Variants in HDAC9 observed in about 807,000 individuals in gnomAD.
HDAC9 encodes the protein histone deacetylase 9.
HDAC9 carries 41 observed loss-of-function variants against 139.4 expected under a neutral mutation model. The ratio of observed to expected loss-of-function variants is 0.29; its 90% CI spans 0.23 to 0.38. The LOEUF (loss-of-function observed/expected upper bound fraction) is 0.38, where lower values mean the gene tolerates loss of function less well. Ranked by LOEUF, HDAC9 falls within the 10% of genes least tolerant of loss-of-function variation. HDAC9 has a pLI of 1.00. For missense variants in HDAC9, 1,147 were observed against 1,297.0 expected (o/e 0.88, Z 1.78); for synonymous variants, 517 against 476.2 (o/e 1.09, Z -1.12).
intron 22 of HDAC9, among the ~76,000 whole-genome samples, chr7:18,881,551 A>G (rs989737201): frequency 1.3e-5 from 2 of 151,984 alleles, no homozygotes; most frequent in Non-Finnish European, 2.9e-5. Context: ...TTTACTAATG[A>G]CTTTTTACTA....
intron 13 of HDAC9, among the ~76,000 whole-genome samples, chr7:18,745,891 T>A (rs1316180424): frequency 4.2e-5 from 6 of 142,186 alleles, no homozygotes; most frequent in Non-Finnish European, 9.1e-5. Context: ...TTCTTTTTTT[T>A]TTTTTTTTTT....
intron 15 of HDAC9, among the ~76,000 whole-genome samples, chr7:18,762,570 TTG>T (rs1789484424): frequency 6.6e-6 from 1 of 152,228 alleles, no homozygotes; most frequent in South Asian, 2.1e-4. Context: ...GCTGAATTTA[TTG>T]TGTTTTCAAA....
intron 1 of HDAC9, among the ~76,000 whole-genome samples, chr7:18,373,754 T>G (rs1263373728): frequency 6.6e-6 from 1 of 152,118 alleles, no homozygotes. Flanking sequence ...TCATTGACAT[T>G]TTTTAGGTTG....
intron 16 of HDAC9, among the ~76,000 whole-genome samples, chr7:18,770,232 G>T (rs1030186923): frequency 6.6e-6 from 1 of 152,082 alleles, no homozygotes; most frequent in African/African-American, 2.4e-5. Context: ...GAATTCCTTT[G>T]TGTTTGCTTT....
intron 12 of HDAC9, chr7:18,668,286 T>G (rs1484237327): frequency 9.7e-5 from 93 of 959,766 alleles, no homozygotes; most frequent in Non-Finnish European, 1.1e-4. Flanking sequence ...CACCAACATA[T>G]TTTGGTTAGT....
At chr7:18,813,285 A>T (rs1042514784) in intron 17 of HDAC9, among the ~76,000 whole-genome samples, 1 of 152,120 alleles carries the variant, frequency 6.6e-6, no homozygotes, top group African/African-American at 2.4e-5. Context: ...ATTCTTTTAA[A>T]AGTTTCTTTG....
chr7:18,092,737 G>C (rs1346940413), intron 1 of HDAC9, among the ~76,000 whole-genome samples: 1 of 152,164 alleles, frequency 6.6e-6, no homozygotes, highest in Non-Finnish European at 1.5e-5. Flanking sequence ...GATTGAATTG[G>C]AAAGTGACTG....
intron 1 of HDAC9, among the ~76,000 whole-genome samples, chr7:18,159,129 G>A (rs1787437686): frequency 6.6e-6 from 1 of 152,128 alleles, no homozygotes; most frequent in South Asian, 2.1e-4. Context: ...CCTTAAATGT[G>A]CACGAATATG....
chr7:18,173,264 G>A (rs542576466), intron 2 of HDAC9, among the ~76,000 whole-genome samples: 1 of 152,222 alleles, frequency 6.6e-6, no homozygotes, highest in Non-Finnish European at 1.5e-5. Flanking sequence ...TCAGAGACTA[G>A]GATTGCAACC....
intron 13 of HDAC9, among the ~76,000 whole-genome samples, chr7:18,745,570 C>T (rs1448048387): frequency 8.7e-6 from 1 of 114,296 alleles, no homozygotes. Context: ...GACGGAGTCT[C>T]GGTCTGTCGC....
At position 18,790,668 on chromosome 7, in the gene HDAC9, C is replaced by T. The variant is rs138355472; in HGVS notation, c.2215-2677C>T. On this transcript the variant is annotated intron_variant, in intron 16 of 25. Coordinates refer to ENST00000686413, the MANE Select transcript of HDAC9 (RefSeq NM_178425.4). ...TATATCCACAAAACTTGACCATTACCGTTTATAAGCATTTATAAACTAAAT... is the reference window on the plus strand; with the variant it reads ...TATATCCACAAAACTTGACCATTACTGTTTATAAGCATTTATAAACTAAAT... 3.8e-3 allele frequency among the ~76,000 whole-genome samples: 572 copies of T among 152,184 alleles called. 4 individuals are homozygous for T. Among genetic ancestry groups the T allele is most frequent in the African/African-American group, 0.013 (529 of 41,528 alleles).
At chr7:18,465,481 T>G (rs904328928) in intron 1 of HDAC9, among the ~76,000 whole-genome samples, 2 of 152,064 alleles carry the variant, frequency 1.3e-5, no homozygotes, top group African/African-American at 4.8e-5. Flanking sequence ...GTGGGTGGGG[T>G]TTGTGAATTT....
chr7:18,679,844 C>T (rs1781776029), intron 12 of HDAC9, among the ~76,000 whole-genome samples: 1 of 151,444 alleles, frequency 6.6e-6, no homozygotes, highest in African/African-American at 2.4e-5. Flanking sequence ...TATTTTAATG[C>T]TTCTATTTAA....
At chr7:18,307,367 T>C (rs1231047398) in intron 1 of HDAC9, among the ~76,000 whole-genome samples, 1 of 152,142 alleles carries the variant, frequency 6.6e-6, no homozygotes, top group Non-Finnish European at 1.5e-5. Flanking sequence ...CTTGAACACA[T>C]TGAATTTTGT....
chr7:18,377,259 A>G (rs112722483), intron 1 of HDAC9, among the ~76,000 whole-genome samples: 2,695 of 152,252 alleles, frequency 0.018, 76 homozygotes, highest in African/African-American at 0.06. Flanking sequence ...ACATAAGGGT[A>G]GAGCCATGGA....
chr7:18,344,780 G>A (rs1445988905), intron 1 of HDAC9, among the ~76,000 whole-genome samples: 1 of 151,894 alleles, frequency 6.6e-6, no homozygotes, highest in East Asian at 1.9e-4. Flanking sequence ...GCTGTTACTG[G>A]GAATGTACTG....
At chr7:18,364,542 A>G (rs1784029412) in intron 1 of HDAC9, among the ~76,000 whole-genome samples, 1 of 152,042 alleles carries the variant, frequency 6.6e-6, no homozygotes, top group Non-Finnish European at 1.5e-5. Context: ...AATTTTCTAT[A>G]CCTTTGCTAC....
At chr7:18,578,030 T>G in intron 2 of HDAC9, 1 of 436,546 alleles carries the variant, frequency 2.3e-6, no homozygotes, top group Non-Finnish European at 4.6e-6. Flanking sequence ...TCCATCTCTA[T>G]CTCCATCCCC....
chr7:18,635,178 G>A (rs1267253348), intron 8 of HDAC9, among the ~76,000 whole-genome samples: 4 of 151,858 alleles, frequency 2.6e-5, no homozygotes, highest in Middle Eastern at 3.4e-3. Flanking sequence ...TGGTTGTGCC[G>A]ATGTGAGTAG....
Sources: allele counts gnomAD v4.1 joint callset (sites outside exome capture counted in the v4.1 genomes callset), GRCh38; gene constraint gnomAD v4.1.1; transcripts MANE v1.5; gene names NCBI Gene and HGNC (gene_info 2026-07-23, HGNC 2026-07-21).